Variants in FCHSD2 observed in about 807,000 individuals in gnomAD.
FCHSD2 encodes FCH and double SH3 domains 2, also known as F-BAR and double SH3 domains protein 2.
Under a neutral mutation model 108.1 loss-of-function variants are expected in FCHSD2, and 38 were observed. That is an observed-to-expected ratio of 0.35 (90% CI 0.27 to 0.46). FCHSD2 has a LOEUF of 0.46. Among genes scored for constraint, FCHSD2 ranks in the 20% least tolerant of loss-of-function variants. The probability of loss-of-function intolerance (pLI) is 1.00; values close to 1 mark genes in which losing one functional copy is unlikely to be tolerated. For synonymous variants in FCHSD2, 279 were observed against 314.7 expected (o/e 0.89, Z 1.20); for missense variants, 751 against 897.8 (o/e 0.84, Z 2.09).
rs941819007 is a variant in FCHSD2 at position 73,139,907 on chromosome 11, T to C, written c.119+124A>G. The C allele has an allele frequency of 2.9e-5, 16 of 559,708 alleles. No individual in the cohort carries two copies. The Admixed American group carries it at 6.0e-4, about 21-fold the overall frequency. 34.7% of individuals were successfully genotyped at this position (559,708 alleles called of 1,614,324 possible). ...GTTCTAATTTCCAGCTGAGTCAAAG[T>C]TCTAACAGCCTTAAAGCAGGAAATC... On this transcript the variant is annotated intron_variant, in intron 2 of 19. Coordinates refer to ENST00000409418, the MANE Select transcript of FCHSD2 (RefSeq NM_014824.3).
intron 5 of FCHSD2, among the ~76,000 whole-genome samples, chr11:72,995,449 C>A (rs1285744396): frequency 6.6e-6 from 1 of 151,946 alleles, no homozygotes; most frequent in Non-Finnish European, 1.5e-5. Context: ...CACCTGTAAT[C>A]TTAGCACTTT....
intron 12 of FCHSD2, among the ~76,000 whole-genome samples, chr11:72,878,553 T>G (rs2365907): frequency 1 from 151,801 of 152,318 alleles, 75,643 homozygotes; most frequent in Middle Eastern, 1. Flanking sequence ...ATAGCTTGTT[T>G]TACTAGGAAG....
intron 10 of FCHSD2, among the ~76,000 whole-genome samples, chr11:72,897,191 C>T (rs1056215249): frequency 6.6e-6 from 1 of 151,998 alleles, no homozygotes; most frequent in African/African-American, 2.4e-5. Context: ...ATGTGCCAGG[C>T]ATTGAGTTAA....
At chr11:72,922,171 A>G (rs1361701379) in intron 8 of FCHSD2, among the ~76,000 whole-genome samples, 1 of 152,226 alleles carries the variant, frequency 6.6e-6, no homozygotes, top group Non-Finnish European at 1.5e-5. Context: ...AAGATCCAAT[A>G]TTGGTAAAGC....
intron 9 of FCHSD2, among the ~76,000 whole-genome samples, chr11:72,908,869 G>T (rs1371149516): frequency 1.3e-5 from 2 of 152,062 alleles, no homozygotes; most frequent in African/African-American, 4.8e-5. Flanking sequence ...GCCCAGGCTG[G>T]TCTCTAACTC....
chr11:72,897,848 T>C (rs917821340), intron 10 of FCHSD2, among the ~76,000 whole-genome samples: 8 of 152,176 alleles, frequency 5.3e-5, no homozygotes, highest in African/African-American at 1.9e-4. Flanking sequence ...CATATCCTCC[T>C]CAGAAAAATT....
chr11:73,031,481 A>G (rs1280598625), intron 3 of FCHSD2, among the ~76,000 whole-genome samples: 1 of 152,110 alleles, frequency 6.6e-6, no homozygotes, highest in Non-Finnish European at 1.5e-5. Flanking sequence ...CGAAAAAAAA[A>G]GAGAGACAGA....
At chr11:72,846,204 G>C (rs894844075) in intron 14 of FCHSD2, among the ~76,000 whole-genome samples, 3 of 145,704 alleles carry the variant, frequency 2.1e-5, no homozygotes, top group African/African-American at 7.7e-5. Flanking sequence ...TTTTTGAGAC[G>C]GAGTCTCACA....
At chr11:72,839,057 A>G (rs1004781029) in intron 19 of FCHSD2, among the ~76,000 whole-genome samples, 183 bp from the exon 20 acceptor site, 5 of 152,226 alleles carry the variant, frequency 3.3e-5, no homozygotes, top group African/African-American at 1.2e-4. Context: ...GTTGTTCTCA[A>G]TGAAATATCA....
At chr11:72,875,090 G>A (rs1411997437) in intron 12 of FCHSD2, among the ~76,000 whole-genome samples, 2 of 152,176 alleles carry the variant, frequency 1.3e-5, no homozygotes, top group Non-Finnish European at 2.9e-5. Flanking sequence ...TTTCAAGTCT[G>A]TAAATCTAAT....
chr11:72,866,130 A>T (rs1199943879), intron 13 of FCHSD2, among the ~76,000 whole-genome samples: 2 of 152,196 alleles, frequency 1.3e-5, no homozygotes, highest in African/African-American at 2.4e-5. Flanking sequence ...TAGAAGCCCA[A>T]ATCAAGTGGG....
chr11:73,024,780 A>C (rs1858188313), intron 3 of FCHSD2, among the ~76,000 whole-genome samples: 1 of 152,182 alleles, frequency 6.6e-6, no homozygotes, highest in African/African-American at 2.4e-5. Flanking sequence ...TAAGGAAATT[A>C]AACAAGTTTA....
intron 2 of FCHSD2, among the ~76,000 whole-genome samples, chr11:73,139,366 C>A (rs1482275864): frequency 1.3e-5 from 2 of 152,192 alleles, no homozygotes; most frequent in Non-Finnish European, 2.9e-5. Context: ...TGACGAAAAT[C>A]TTTGTTGAAC....
At chr11:72,843,353 C>G (rs1374337066) in intron 15 of FCHSD2, 25 bp from the exon 16 acceptor site, 7 of 1,601,524 alleles carry the variant, frequency 4.4e-6, no homozygotes, top group Non-Finnish European at 6.0e-6. Flanking sequence ...TGTGACAAAA[C>G]AAGTTTACAC....
chr11:73,119,140 T>C (rs1860672937), intron 2 of FCHSD2, among the ~76,000 whole-genome samples: 2 of 152,024 alleles, frequency 1.3e-5, no homozygotes, highest in South Asian at 4.1e-4. Context: ...TGTCTCTACA[T>C]AAAATACAAA....
Position 73,034,884 on chromosome 11 carries a change from C to A in FCHSD2, c.166-18999G>T, listed in dbSNP as rs566146128. 3.1e-3 allele frequency among the ~76,000 whole-genome samples: 466 copies of A among 152,302 alleles called. 1 individual carries two copies. Among genetic ancestry groups the A allele is most frequent in the African/African-American group, 0.011 (446 of 41,566 alleles). ...ACTGTCAATCTGTCTGTCAACAACA[C>A]AACTGAAAATCCTCTGGGTGCAAAG... On this transcript the variant is annotated intron_variant, in intron 3 of 19. Coordinates refer to ENST00000409418, the MANE Select transcript of FCHSD2 (RefSeq NM_014824.3).
chr11:72,856,614 T>G (rs1861435000), intron 13 of FCHSD2, among the ~76,000 whole-genome samples: 1 of 152,260 alleles, frequency 6.6e-6, no homozygotes, highest in Admixed American at 6.5e-5. Context: ...TGCTGAAATA[T>G]TCTCATTGAT....
Position 72,921,869 on chromosome 11 carries a change from C to G in FCHSD2, c.787G>C (p.Val263Leu). Residue 263 changes from valine to leucine, a missense_variant, in exon 9 of 20, where the codon GTG becomes CTG. Transcript: ENST00000409418. ...SRTELETCQAVQNTFQFLLEN... is the reference protein window; with the variant it reads ...SRTELETCQALQNTFQFLLEN... ...AATAAAAACTGGAATGTGTTCTGCA[C>G]AGCTTGGCATGTTTCTAGCTCAGTC... 6.2e-7 allele frequency: 1 copy of G among 1,610,058 alleles called. No homozygotes were observed. The highest frequency in any genetic ancestry group is 8.5e-7 in the Non-Finnish European group (1 of 1,177,756).
chr11:72,928,297 G>T (rs1292693299), intron 8 of FCHSD2, among the ~76,000 whole-genome samples: 1 of 151,844 alleles, frequency 6.6e-6, no homozygotes, highest in Non-Finnish European at 1.5e-5. Context: ...TTGCAAAGTA[G>T]AAATTCTTTA....
Sources: allele counts gnomAD v4.1 joint callset (sites outside exome capture counted in the v4.1 genomes callset), GRCh38; gene constraint gnomAD v4.1.1; transcripts MANE v1.5; gene names NCBI Gene and HGNC (gene_info 2026-07-23, HGNC 2026-07-21).